ALK: variants seen among roughly 807,000 people sequenced by gnomAD.
ALK encodes ALK receptor tyrosine kinase.
A neutral mutation model predicts 163.1 loss-of-function variants in ALK; 74 were observed. The observed-to-expected ratio is 0.45, with a 90% CI of 0.38 to 0.55. The LOEUF (loss-of-function observed/expected upper bound fraction) is 0.55, where lower values mean the gene tolerates loss of function less well. Ranked by LOEUF, ALK falls within the 20% of genes least tolerant of loss-of-function variation. The pLI is 0.00. For synonymous variants in ALK, 960 were observed against 843.2 expected, an observed-to-expected ratio of 1.14 and a Z score of -2.40; for missense variants, 2,063 against 2,105.3, an observed-to-expected ratio of 0.98 and a Z score of 0.39.
At chr2:29,524,386 G>C (rs771753527) in intron 4 of ALK, among the ~76,000 whole-genome samples, 1 of 152,204 alleles carries the variant, frequency 6.6e-6, no homozygotes, top group African/African-American at 2.4e-5. Context: ...GGAGCCAGGC[G>C]TGACGCCAAG....
At chr2:29,873,979 T>G (rs988948033) in intron 1 of ALK, among the ~76,000 whole-genome samples, 3 of 152,038 alleles carry the variant, frequency 2.0e-5, no homozygotes, top group East Asian at 1.9e-4. Flanking sequence ...GAACCCAAAT[T>G]TAGCAGTGGA....
chr2:29,658,443 T>C (rs1262209335), intron 3 of ALK, among the ~76,000 whole-genome samples: 1 of 152,198 alleles, frequency 6.6e-6, no homozygotes, highest in Non-Finnish European at 1.5e-5. Flanking sequence ...GTATCCTTTC[T>C]AGCATTATGA....
chr2:29,380,217 T>C (rs1011791746), intron 5 of ALK, among the ~76,000 whole-genome samples: 3 of 151,850 alleles, frequency 2.0e-5, no homozygotes, highest in African/African-American at 7.3e-5. Flanking sequence ...GTGATTCTCC[T>C]GCCTCAGCCT....
chr2:29,766,422 A>G (rs1680864652), intron 1 of ALK, among the ~76,000 whole-genome samples: 2 of 152,168 alleles, frequency 1.3e-5, no homozygotes, highest in Non-Finnish European at 2.9e-5. Context: ...CATGTTCTCA[A>G]TACAAACATA....
chr2:29,547,854 C>A (rs1354160566), intron 3 of ALK, among the ~76,000 whole-genome samples: 1 of 152,182 alleles, frequency 6.6e-6, no homozygotes, highest in African/African-American at 2.4e-5. Flanking sequence ...TTGCCAGGTT[C>A]AGCAAATAAA....
chr2:29,219,699 A>G (rs913093883), intron 23 of ALK, among the ~76,000 whole-genome samples: 2 of 152,122 alleles, frequency 1.3e-5, no homozygotes, highest in African/African-American at 4.8e-5. Context: ...AATAATTTAG[A>G]ACCACCTTTG....
chr2:29,372,495 T>C (rs1053664723), intron 5 of ALK, among the ~76,000 whole-genome samples: 13 of 152,210 alleles, frequency 8.5e-5, no homozygotes, highest in African/African-American at 3.1e-4. Context: ...TGATCTGCAA[T>C]TTGGACACAG....
intron 5 of ALK, among the ~76,000 whole-genome samples, chr2:29,376,571 G>GATGC (rs1411076919): frequency 6.6e-6 from 1 of 152,238 alleles, no homozygotes; most frequent in Non-Finnish European, 1.5e-5. Context: ...TAGATGAGTG[G>GATGC]ATGCATGGAT....
At chr2:29,489,975 C>T (rs558544196) in intron 4 of ALK, among the ~76,000 whole-genome samples, 6 of 152,314 alleles carry the variant, frequency 3.9e-5, no homozygotes, top group Non-Finnish European at 7.3e-5. Context: ...ACATGCTGGC[C>T]GGGACTCCAA....
At chr2:29,386,948 G>C (rs1404057797) in intron 4 of ALK, among the ~76,000 whole-genome samples, 1 of 152,222 alleles carries the variant, frequency 6.6e-6, no homozygotes, top group Non-Finnish European at 1.5e-5. Flanking sequence ...CACAGAATGA[G>C]CCTATTAGGG....
chr2:29,620,743 GTATT>G (rs1676011925), intron 3 of ALK, among the ~76,000 whole-genome samples: 1 of 152,140 alleles, frequency 6.6e-6, no homozygotes, highest in African/African-American at 2.4e-5. Flanking sequence ...TGTTAGCAGA[GTATT>G]TAAAACTTCT....
chr2:29,836,407 C>A (rs537093170), intron 1 of ALK, among the ~76,000 whole-genome samples: 1 of 151,978 alleles, frequency 6.6e-6, no homozygotes, highest in Non-Finnish European at 1.5e-5. Flanking sequence ...CCAGGCTGAC[C>A]GAGTCACCAT....
chr2:29,705,239 A>AT, intron 2 of ALK, among the ~76,000 whole-genome samples: 1 of 81,546 alleles, frequency 1.2e-5, no homozygotes, highest in Non-Finnish European at 2.4e-5. Context: ...AAAAGAAAAG[A>AT]AATATATATA....
chr2:29,531,344 G>A lies in ALK; in HGVS notation c.1154+571C>T, dbSNP rs1673112759. Among the ~76,000 whole-genome samples, 3 of 152,104 alleles carry A rather than the reference G, an allele frequency of 2.0e-5. No individual in the cohort carries two copies. In the South Asian group the frequency reaches 6.2e-4, roughly 32 times the overall value. On this transcript the variant is annotated intron_variant, in intron 4 of 28. Coordinates refer to ENST00000389048, the MANE Select transcript of ALK (RefSeq NM_004304.5). ...CCGCAGAGGCCTGATGGATCACTGA[G>A]TAAGCAAGTATCTCCAGAAAGCTTA...
At chr2:29,600,455 T>C (rs1304596615) in intron 3 of ALK, among the ~76,000 whole-genome samples, 4 of 152,144 alleles carry the variant, frequency 2.6e-5, no homozygotes, top group Non-Finnish European at 5.9e-5. Flanking sequence ...AAATGAAGGC[T>C]GAAGAAGTAG....
chr2:29,916,804 A>G (rs1210539353), intron 1 of ALK, among the ~76,000 whole-genome samples: 2 of 152,158 alleles, frequency 1.3e-5, no homozygotes, highest in Non-Finnish European at 2.9e-5. Context: ...GTAAGCCAGG[A>G]TACAAACTGG....
chr2:29,596,036 G>T (rs1675204576), intron 3 of ALK, among the ~76,000 whole-genome samples: 1 of 152,210 alleles, frequency 6.6e-6, no homozygotes, highest in African/African-American at 2.4e-5. Flanking sequence ...GATCCCAGGA[G>T]CCCAGACCAC....
At chr2:29,445,965 G>A (rs1320285363) in intron 4 of ALK, among the ~76,000 whole-genome samples, 3 of 149,462 alleles carry the variant, frequency 2.0e-5, no homozygotes, top group African/African-American at 7.3e-5. Context: ...CGGGCGTAGT[G>A]GCGGGCGCCT....
intron 1 of ALK, among the ~76,000 whole-genome samples, chr2:29,895,433 G>C (rs1667245096): frequency 6.6e-6 from 1 of 152,170 alleles, no homozygotes; most frequent in South Asian, 2.1e-4. Context: ...AGACTGAAAG[G>C]CTTGGCAGAG....
Sources: allele counts gnomAD v4.1 joint callset (sites outside exome capture counted in the v4.1 genomes callset), GRCh38; gene constraint gnomAD v4.1.1; transcripts MANE v1.5; gene names NCBI Gene and HGNC (gene_info 2026-07-23, HGNC 2026-07-21).